Variants in RABGAP1L observed in about 807,000 individuals in gnomAD.
The protein encoded by RABGAP1L is rab GTPase-activating protein 1-like.
RABGAP1L carries 63 observed loss-of-function variants against 137.7 expected under a neutral mutation model. The observed-to-expected ratio is 0.46, with a 90% CI of 0.37 to 0.56. The LOEUF (loss-of-function observed/expected upper bound fraction) is 0.56, where lower values mean the gene tolerates loss of function less well. Among genes scored for constraint, RABGAP1L ranks in the 20% least tolerant of loss-of-function variants. The probability of loss-of-function intolerance (pLI) is 0.00; values close to 1 mark genes in which losing one functional copy is unlikely to be tolerated. For synonymous variants in RABGAP1L, 431 were observed against 433.7 expected (o/e 0.99, Z 0.08); for missense variants, 1,095 against 1,244.0 (o/e 0.88, Z 1.80).
At chr1:174,186,843 C>G (rs1666840217) in intron 1 of RABGAP1L, among the ~76,000 whole-genome samples, 1 of 152,158 alleles carries the variant, frequency 6.6e-6, no homozygotes, top group African/African-American at 2.4e-5. Context: ...GATGTTGGGC[C>G]AAGGCCTTCT....
At chr1:174,341,834 T>A (rs1682000753) in intron 11 of RABGAP1L, among the ~76,000 whole-genome samples, 1 of 152,144 alleles carries the variant, frequency 6.6e-6, no homozygotes, top group Non-Finnish European at 1.5e-5. Flanking sequence ...TGCAAAGTAG[T>A]CGTATTCTGA....
intron 19 of RABGAP1L, among the ~76,000 whole-genome samples, chr1:174,836,062 A>T (rs1165542324): frequency 6.6e-6 from 1 of 152,276 alleles, no homozygotes; most frequent in Non-Finnish European, 1.5e-5. Flanking sequence ...ATTATTTTAA[A>T]TCATTGAGAT....
Position 174,643,013 on chromosome 1 carries a change from G to A in RABGAP1L, c.1824+5525G>A, listed in dbSNP as rs78396400. ...TCAATCAGGCTGCTCTTGAATCCCT[G>A]AATTCGGACAATTCGCCTGCCTCGG... On this transcript the variant is annotated intron_variant, in intron 14 of 25. Transcript: ENST00000681986. Among the ~76,000 whole-genome samples the A allele has an allele frequency of 7.2e-5, 11 of 152,156 alleles. No individual in the cohort carries two copies. The East Asian group carries it at 2.1e-3, about 29-fold the overall frequency.
chr1:174,861,178 A>G (rs1200243170), intron 19 of RABGAP1L, among the ~76,000 whole-genome samples: 1 of 152,164 alleles, frequency 6.6e-6, no homozygotes, highest in Non-Finnish European at 1.5e-5. Flanking sequence ...CTGTAACTGA[A>G]GTCATATAAT....
chr1:174,740,738 A>G lies in RABGAP1L; in HGVS notation c.2170-11575A>G, dbSNP rs572746535. Among the ~76,000 whole-genome samples the G allele has an allele frequency of 4.6e-5, 7 of 152,024 alleles. No homozygotes were observed. In the East Asian group the frequency reaches 7.7e-4, roughly 17 times the overall value. ...CCCTTTTCTCCACTTTCTTGTCAAC[A>G]TCTGTCTTTTTTAATAATAGGGATT... On this transcript the variant is annotated intron_variant, in intron 17 of 25. Coordinates refer to ENST00000681986, the MANE Select transcript of RABGAP1L (RefSeq NM_001366446.1).
chr1:174,972,812 C>T (rs1447657851), intron 21 of RABGAP1L, among the ~76,000 whole-genome samples: 1 of 126,668 alleles, frequency 7.9e-6, no homozygotes, highest in Non-Finnish European at 1.5e-5. Context: ...CAAGATCGCA[C>T]CATTGTACTC....
chr1:174,534,528 G>C (rs911075582), intron 13 of RABGAP1L, among the ~76,000 whole-genome samples: 1 of 152,042 alleles, frequency 6.6e-6, no homozygotes, highest in African/African-American at 2.4e-5. Context: ...TGTAATCCCA[G>C]CTCTTTGGGA....
chr1:174,286,657 C>CT (rs957456254), intron 10 of RABGAP1L, among the ~76,000 whole-genome samples: 8 of 151,468 alleles, frequency 5.3e-5, no homozygotes, highest in African/African-American at 1.2e-4. Context: ...TGTTTGAGGT[C>CT]TTTTTTTTCC....
chr1:174,377,942 C>G (rs1277777525), intron 12 of RABGAP1L, among the ~76,000 whole-genome samples: 2 of 97,278 alleles, frequency 2.1e-5, no homozygotes, highest in East Asian at 3.0e-4. Context: ...CCCCTCCCCC[C>G]ACCCCACAAC....
At chr1:174,502,472 G>C (rs1024282405) in intron 13 of RABGAP1L, among the ~76,000 whole-genome samples, 1 of 150,088 alleles carries the variant, frequency 6.7e-6, no homozygotes, top group South Asian at 2.1e-4. Flanking sequence ...GATTTTCAAG[G>C]AATACCTTTA....
chr1:174,883,011 TG>T, intron 19 of RABGAP1L, among the ~76,000 whole-genome samples: 3 of 152,190 alleles, frequency 2.0e-5, no homozygotes, highest in African/African-American at 7.2e-5. Context: ...TTAGTAGAGA[TG>T]GGGCTTTCAC....
chr1:174,632,244 G>A (rs1362190097), intron 13 of RABGAP1L, among the ~76,000 whole-genome samples: 3 of 143,526 alleles, frequency 2.1e-5, no homozygotes, highest in Admixed American at 6.9e-5. Flanking sequence ...TGGCTTGTAG[G>A]GTTTCTGCCG....
intron 13 of RABGAP1L, among the ~76,000 whole-genome samples, chr1:174,572,464 C>A (rs1444288942): frequency 6.6e-6 from 1 of 152,146 alleles, no homozygotes; most frequent in Non-Finnish European, 1.5e-5. Context: ...TGGCTCACTG[C>A]AACCTCTGCC....
intron 10 of RABGAP1L, among the ~76,000 whole-genome samples, chr1:174,288,019 A>G (rs1676224698): frequency 6.6e-6 from 1 of 152,064 alleles, no homozygotes; most frequent in Non-Finnish European, 1.5e-5. Context: ...TGTAATTACC[A>G]TGAGGCTTAC....
chr1:174,430,859 C>A (rs1652550361), intron 13 of RABGAP1L, among the ~76,000 whole-genome samples: 1 of 152,108 alleles, frequency 6.6e-6, no homozygotes, highest in African/African-American at 2.4e-5. Flanking sequence ...CTCATAAAGA[C>A]AAGAGCATGA....
At chr1:174,347,715 C>T (rs527747752) in intron 11 of RABGAP1L, among the ~76,000 whole-genome samples, 19 of 152,234 alleles carry the variant, frequency 1.2e-4, no homozygotes, top group South Asian at 4.1e-4. Flanking sequence ...AGGATGGTCT[C>T]GATCTCCTGA....
chr1:174,404,468 A>G (rs1463181617), intron 13 of RABGAP1L, among the ~76,000 whole-genome samples: 3 of 152,202 alleles, frequency 2.0e-5, no homozygotes, highest in African/African-American at 7.2e-5. Flanking sequence ...TGCGTTAAAT[A>G]GAAACTTAAT....
intron 18 of RABGAP1L, among the ~76,000 whole-genome samples, chr1:174,759,666 A>G (rs1685066837): frequency 6.6e-6 from 1 of 152,182 alleles, no homozygotes; most frequent in African/African-American, 2.4e-5. Context: ...GAAACATAGT[A>G]CTGATATCTG....
chr1:174,985,157 G>A (rs114179865), intron 24 of RABGAP1L, among the ~76,000 whole-genome samples: 13 of 152,212 alleles, frequency 8.5e-5, no homozygotes, highest in Non-Finnish European at 1.6e-4. Context: ...TGAGGTGGGC[G>A]GATCACTTGA....
Sources: gnomAD v4.1 joint callset for allele counts (sites outside exome capture counted in the v4.1 genomes callset) on GRCh38, gnomAD v4.1.1 for gene constraint, MANE v1.5 for transcripts, NCBI Gene and HGNC (gene_info 2026-07-23, HGNC 2026-07-21) for gene names.